EHBP1: variants seen among roughly 807,000 people sequenced by gnomAD.
The protein encoded by EHBP1 is EH domain binding protein 1, also known as EH domain-binding protein 1.
A neutral mutation model predicts 144.0 loss-of-function variants in EHBP1; 55 were observed. The ratio of observed to expected loss-of-function variants is 0.38; its 90% CI spans 0.31 to 0.48. The LOEUF (loss-of-function observed/expected upper bound fraction) is 0.48, where lower values mean the gene tolerates loss of function less well. Among genes scored for constraint, EHBP1 ranks in the 20% least tolerant of loss-of-function variants. The probability of loss-of-function intolerance (pLI) is 0.98; values close to 1 mark genes in which losing one functional copy is unlikely to be tolerated. For missense variants in EHBP1, 1,200 were observed against 1,364.2 expected, an observed-to-expected ratio of 0.88 and a Z score of 1.90; for synonymous variants, 469 against 472.7, an observed-to-expected ratio of 0.99 and a Z score of 0.10.
At chr2:62,821,713 T>G (rs958374625) in intron 5 of EHBP1, among the ~76,000 whole-genome samples, 2 of 152,266 alleles carry the variant, frequency 1.3e-5, no homozygotes, top group African/African-American at 4.8e-5. Flanking sequence ...ATCAAAAGAA[T>G]ATGAACTAAC....
At chr2:62,862,097 T>C (rs1279586499) in intron 8 of EHBP1, among the ~76,000 whole-genome samples, 1 of 152,186 alleles carries the variant, frequency 6.6e-6, no homozygotes, top group Non-Finnish European at 1.5e-5. Context: ...TATCATGGTA[T>C]TACAAAAGAT....
At chr2:62,777,973 GT>G (rs1472584053) in intron 5 of EHBP1, among the ~76,000 whole-genome samples, 1 of 152,132 alleles carries the variant, frequency 6.6e-6, no homozygotes, top group Non-Finnish European at 1.5e-5. Flanking sequence ...TCTGCTTTTT[GT>G]TTTGTAACTG....
chr2:62,935,193 G>A (rs1378841603), intron 10 of EHBP1, among the ~76,000 whole-genome samples: 2 of 151,718 alleles, frequency 1.3e-5, no homozygotes, highest in African/African-American at 4.8e-5. Flanking sequence ...GCTGCGTGTG[G>A]TGGCGTGCAC....
intron 21 of EHBP1, chr2:63,044,591 A>G (rs1303275354): frequency 6.5e-6 from 1 of 153,102 alleles, no homozygotes; most frequent in East Asian, 1.9e-4. Flanking sequence ...GAAATTAGCG[A>G]AGAATGGGCT....
At chr2:62,969,915 A>G (rs1347497298) in intron 14 of EHBP1, among the ~76,000 whole-genome samples, 1 of 152,188 alleles carries the variant, frequency 6.6e-6, no homozygotes, top group African/African-American at 2.4e-5. Flanking sequence ...AACAGTTTTA[A>G]TGTTTCACCC....
At chr2:63,041,114 C>G (rs1245180439) in intron 21 of EHBP1, among the ~76,000 whole-genome samples, 1 of 151,980 alleles carries the variant, frequency 6.6e-6, no homozygotes, top group Non-Finnish European at 1.5e-5. Context: ...TATTGATAAC[C>G]ATGGCACATT....
At chr2:62,728,092 A>G (rs1377788510) in intron 2 of EHBP1, among the ~76,000 whole-genome samples, 1 of 152,230 alleles carries the variant, frequency 6.6e-6, no homozygotes, top group Non-Finnish European at 1.5e-5. Context: ...GCCAGAGGCA[A>G]CAAGGCTATA....
chr2:63,044,343 G>C (rs948606548), intron 21 of EHBP1: 17 of 150,152 alleles, frequency 1.1e-4, no homozygotes, highest in Admixed American at 3.3e-4. Flanking sequence ...TAGGGTTTCA[G>C]AAAGAAATAT....
intron 19 of EHBP1, among the ~76,000 whole-genome samples, chr2:63,031,552 G>A (rs2061247636): frequency 6.6e-6 from 1 of 152,104 alleles, no homozygotes. Flanking sequence ...TGCGTTACCT[G>A]AAATGTGAGT....
chr2:62,750,039 T>C (rs1191473805), intron 3 of EHBP1, among the ~76,000 whole-genome samples: 1 of 152,234 alleles, frequency 6.6e-6, no homozygotes, highest in Non-Finnish European at 1.5e-5. Context: ...TTTGGTGTTT[T>C]AGACATGAAG....
intron 7 of EHBP1, among the ~76,000 whole-genome samples, chr2:62,836,937 T>G (rs1429288139): frequency 7.3e-6 from 1 of 136,276 alleles, no homozygotes; most frequent in African/African-American, 2.8e-5. Context: ...CCAGGAGAAC[T>G]TCCCCAATCT....
chr2:62,972,889 C>T (rs574837098), intron 14 of EHBP1, among the ~76,000 whole-genome samples: 1 of 152,174 alleles, frequency 6.6e-6, no homozygotes, highest in Non-Finnish European at 1.5e-5. Flanking sequence ...AATTGAATTA[C>T]AGCACACCTC....
chr2:62,707,171 C>T lies in EHBP1; in HGVS notation c.-21C>T. The T allele has an allele frequency of 1.9e-6, 3 of 1,602,060 alleles. No individual in the cohort carries two copies. Among genetic ancestry groups the T allele is most frequent in the South Asian group, 1.1e-5 (1 of 90,838 alleles). ...GCTGTATTGCTAACCCAGAACTGCT[C>T]CAGTGTCTTGACTGATCATCATGGC... On this transcript the variant is annotated 5_prime_UTR_variant, in exon 2 of 23. Coordinates refer to ENST00000431489, the MANE Select transcript of EHBP1 (RefSeq NM_001142616.3).
chr2:63,038,718 T>C (rs1192824509), intron 20 of EHBP1, 25 bp from the exon 21 acceptor site: 1 of 1,605,956 alleles, frequency 6.2e-7, no homozygotes, highest in South Asian at 1.1e-5. Flanking sequence ...ATTAGCATAT[T>C]GATGAACTTT....
rs564177109 is a variant in EHBP1 at position 63,034,338 on chromosome 2, G to A, written c.3104-3197G>A. 4.6e-5 allele frequency among the ~76,000 whole-genome samples: 7 copies of A among 151,880 alleles called. No individual in the cohort carries two copies. In the South Asian group the frequency reaches 1.5e-3, roughly 32 times the overall value. On this transcript the variant is annotated intron_variant, in intron 19 of 22. Transcript: ENST00000431489. ...TTCAAAATGGCTTTCAATATTGTAT[G>A]TCTTGAATTTTTTAAATGGTGAAAC...
intron 10 of EHBP1, among the ~76,000 whole-genome samples, chr2:62,915,409 T>G (rs933031585): frequency 4.6e-5 from 7 of 152,168 alleles, no homozygotes; most frequent in Non-Finnish European, 1.0e-4. Flanking sequence ...AAAAATAGAC[T>G]TAATCTGAAC....
At chr2:62,685,744 T>C (rs2033696828) in intron 1 of EHBP1, among the ~76,000 whole-genome samples, 4 of 152,124 alleles carry the variant, frequency 2.6e-5, no homozygotes, top group African/African-American at 9.7e-5. Context: ...GCTCCAGTGT[T>C]AGAATGCTAG....
At chr2:62,984,486 A>T (rs1171924862) in intron 15 of EHBP1, among the ~76,000 whole-genome samples, 1 of 152,130 alleles carries the variant, frequency 6.6e-6, no homozygotes, top group African/African-American at 2.4e-5. Flanking sequence ...TTGTTCACCT[A>T]CTGGGTTTTC....
chr2:62,724,760 G>A (rs941466301), intron 2 of EHBP1, among the ~76,000 whole-genome samples: 1 of 152,120 alleles, frequency 6.6e-6, no homozygotes, highest in Non-Finnish European at 1.5e-5. Context: ...CAGGAGGTGA[G>A]TAGTGGGCAG....
Sources: gnomAD v4.1 joint callset for allele counts (sites outside exome capture counted in the v4.1 genomes callset) on GRCh38, gnomAD v4.1.1 for gene constraint, MANE v1.5 for transcripts, NCBI Gene and HGNC (gene_info 2026-07-23, HGNC 2026-07-21) for gene names.